TLE1: variants seen among roughly 807,000 people sequenced by gnomAD.
TLE1 encodes transducin-like enhancer protein 1.
TLE1 carries 21 observed loss-of-function variants against 89.8 expected under a neutral mutation model. That is an observed-to-expected ratio of 0.23 (90% confidence interval 0.17 to 0.34). The LOEUF (loss-of-function observed/expected upper bound fraction) is 0.34, where lower values mean the gene tolerates loss of function less well. Among genes scored for constraint, TLE1 ranks in the 10% least tolerant of loss-of-function variants. The pLI, the probability that TLE1 is intolerant of heterozygous loss-of-function variation, is 1.00. For missense variants in TLE1, 795 were observed against 1,031.2 expected (o/e 0.77, Z 3.14); for synonymous variants, 447 against 407.6 (o/e 1.10, Z -1.16).
chr9:81,633,948 G>C (rs1827034390), intron 7 of TLE1, 149 bp downstream of exon 7: 2 of 871,460 alleles, frequency 2.3e-6, no homozygotes, highest in Non-Finnish European at 3.3e-6. Flanking sequence ...AGGGTGACCT[G>C]TGTTTCAGTG....
chr9:81,612,416 A>C, intron 12 of TLE1: 1 of 949,668 alleles, frequency 1.1e-6, no homozygotes, highest in Non-Finnish European at 1.3e-6. Flanking sequence ...AAACCAAAGC[A>C]CGGGTTTAGG....
At chr9:81,585,752 G>A in intron 17 of TLE1, 97 bp from the exon 18 acceptor site, 3 of 1,455,444 alleles carry the variant, frequency 2.1e-6, no homozygotes, top group Non-Finnish European at 2.8e-6. Context: ...AGAATGGGGG[G>A]AAGTAATCAG....
rs376146312 is a variant in TLE1 at position 81,633,373 on chromosome 9, G to A, written c.578-9C>T. The A allele has an allele frequency of 4.7e-5, 76 of 1,613,234 alleles. No individual in the cohort carries two copies. Among genetic ancestry groups the A allele is most frequent in the Middle Eastern group, 3.3e-4 (2 of 6,078 alleles). On this transcript the variant is annotated splice_polypyrimidine_tract_variant and intron_variant, in intron 7 of 19. Transcript: ENST00000376499. Reference sequence around the variant, plus strand: ...TGTGCCCGGCTCTCTGTCTGCTCCCGAGGTTACCAAGAAACGCACAGACAT... The same window carrying A: ...TGTGCCCGGCTCTCTGTCTGCTCCCAAGGTTACCAAGAAACGCACAGACAT...
At chr9:81,674,262 T>C (rs527765939) in intron 4 of TLE1, among the ~76,000 whole-genome samples, 1 of 152,338 alleles carries the variant, frequency 6.6e-6, no homozygotes, top group Non-Finnish European at 1.5e-5. Context: ...TGCCTTCTAA[T>C]GCAGTTTTCT....
At position 81,620,429 on chromosome 9, in the gene TLE1, T is replaced by G; in HGVS notation, c.711+12A>C. ...GCAAACAAATATTATTTCAAGTCCT[T>G]TAATTACTTACATAGTGGCTGGAGT... On this transcript the variant is annotated intron_variant, in intron 9 of 19. Coordinates refer to ENST00000376499, the MANE Select transcript of TLE1 (RefSeq NM_005077.5). 1 of 1,596,752 alleles carries G rather than the reference T, an allele frequency of 6.3e-7. No homozygotes were observed. The highest frequency in any genetic ancestry group is 8.6e-7 in the Non-Finnish European group (1 of 1,167,696).
chr9:81,686,872 G>A (rs552923280), intron 2 of TLE1, among the ~76,000 whole-genome samples: 1 of 152,098 alleles, frequency 6.6e-6, no homozygotes, highest in Non-Finnish European at 1.5e-5. Context: ...CACCAATGAT[G>A]GGCAATGTTA....
intron 4 of TLE1, among the ~76,000 whole-genome samples, chr9:81,655,852 C>CAAAA (rs5898754): frequency 4.7e-5 from 6 of 127,002 alleles, no homozygotes; most frequent in Non-Finnish European, 4.9e-5. Context: ...GACCCTGTCT[C>CAAAA]AAAAAAAAAA....
intron 14 of TLE1, among the ~76,000 whole-genome samples, chr9:81,599,093 G>A (rs974371588): frequency 2.6e-5 from 4 of 152,224 alleles, no homozygotes; most frequent in Non-Finnish European, 5.9e-5. Flanking sequence ...CTGCTGAGGT[G>A]TGAAGTAATG....
chr9:81,591,103 G>C (rs72747231), intron 15 of TLE1, 51 bp from the exon 16 acceptor site: 74,412 of 1,583,410 alleles, frequency 0.047, 1,966 homozygotes, highest in Non-Finnish European at 0.056. Flanking sequence ...AGCAATCATA[G>C]CACCATGTTC....
chr9:81,665,217 C>G (rs988691414), intron 4 of TLE1, among the ~76,000 whole-genome samples: 2 of 152,184 alleles, frequency 1.3e-5, no homozygotes, highest in Admixed American at 1.3e-4. Context: ...TGGAAAACCT[C>G]GCACAATATT....
rs148107690 is a variant in TLE1, at chr9:81,615,017, C to T, written c.918+965G>A. Among the ~76,000 whole-genome samples, 412 of 130,448 alleles carry T rather than the reference C, an allele frequency of 3.2e-3. 3 individuals carry two copies. Among genetic ancestry groups the T allele is most frequent in the African/African-American group, 0.011 (390 of 34,552 alleles). 85.6% of individuals were successfully genotyped at this position (130,448 alleles called of 152,430 possible). ...CAAGACCAGCATGGCCAACATGAAA[C>T]CCTGTAATAAGCCAAGATTGCACCA... On this transcript the variant is annotated intron_variant, in intron 11 of 19. Coordinates refer to ENST00000376499, the MANE Select transcript of TLE1 (RefSeq NM_005077.5).
At chr9:81,662,991 G>GT (rs1831008119) in intron 4 of TLE1, among the ~76,000 whole-genome samples, 1 of 151,968 alleles carries the variant, frequency 6.6e-6, no homozygotes, top group South Asian at 2.1e-4. Flanking sequence ...GGGACTACAG[G>GT]TGTGCACCAC....
chr9:81,602,933 T>A (rs539352893), intron 14 of TLE1, among the ~76,000 whole-genome samples: 1 of 151,912 alleles, frequency 6.6e-6, no homozygotes, highest in Non-Finnish European at 1.5e-5. Context: ...GAGAAGAAGT[T>A]TGGGGAGGCT....
In TLE1 at chr9:81,592,226, T is replaced by C. The variant is rs559343567; in HGVS notation, c.1581+799A>G. On this transcript the variant is annotated intron_variant, in intron 15 of 19. Coordinates refer to ENST00000376499, the MANE Select transcript of TLE1 (RefSeq NM_005077.5). ...ACAAAAAATTAGCCGGGCGTGGTGG[T>C]GGGCGCCCGTAGTCCCAGCTACTTG... 9.2e-5 allele frequency among the ~76,000 whole-genome samples: 14 copies of C among 152,182 alleles called. No individual in the cohort carries two copies. In the South Asian group the frequency reaches 1.5e-3, roughly 16 times the overall value.
At chr9:81,646,999 A>G (rs1219511149) in intron 6 of TLE1, among the ~76,000 whole-genome samples, 2 of 152,208 alleles carry the variant, frequency 1.3e-5, no homozygotes, top group Non-Finnish European at 2.9e-5. Flanking sequence ...TAAGTGAGAA[A>G]GAAAAATGAG....
intron 19 of TLE1, 65 bp from the exon 20 acceptor site, chr9:81,584,370 T>C (rs1828032126): frequency 1.2e-6 from 2 of 1,609,032 alleles, no homozygotes; most frequent in African/African-American, 2.7e-5. Context: ...CCCTGCTCCC[T>C]CGGAGGCACC....
intron 14 of TLE1, among the ~76,000 whole-genome samples, chr9:81,596,310 G>C (rs1399633763): frequency 6.6e-6 from 1 of 152,144 alleles, no homozygotes; most frequent in Non-Finnish European, 1.5e-5. Flanking sequence ...AGCCCATATG[G>C]ATGTTAATAC....
intron 4 of TLE1, 129 bp downstream of exon 4, chr9:81,685,547 C>G (rs756666224): frequency 1.6e-4 from 133 of 845,724 alleles, no homozygotes; most frequent in Admixed American, 8.1e-4. Context: ...ATCCACAGGA[C>G]AGGAAACCAA....
intron 4 of TLE1, among the ~76,000 whole-genome samples, chr9:81,681,744 T>C (rs1325576140): frequency 6.6e-6 from 1 of 152,106 alleles, no homozygotes; most frequent in Non-Finnish European, 1.5e-5. Flanking sequence ...TCAGTAGTTT[T>C]ATCTACCCAT....
Sources: gnomAD v4.1 joint callset for allele counts (sites outside exome capture counted in the v4.1 genomes callset) on GRCh38, gnomAD v4.1.1 for gene constraint, MANE v1.5 for transcripts, NCBI Gene and HGNC (gene_info 2026-07-23, HGNC 2026-07-21) for gene names.